ZNF76: variants seen among roughly 807,000 people sequenced by gnomAD.
The protein encoded by ZNF76 is zinc finger protein 76.
In ZNF76, 66 loss-of-function variants were observed where a neutral mutation model predicts 66.9. The ratio of observed to expected loss-of-function variants is 0.99; its 90% CI spans 0.81 to 1.21. ZNF76 has a LOEUF of 1.21. Ranked by LOEUF, ZNF76 falls within the 50% of genes most tolerant of loss-of-function variation. The pLI is 0.00. For synonymous variants in ZNF76, 275 were observed against 296.1 expected (o/e 0.93, Z 0.73); for missense variants, 729 against 760.3 (o/e 0.96, Z 0.48).
intron 13 of ZNF76, 77 bp downstream of exon 13, chr6:35,294,646 A>T (rs1016007842): frequency 9.5e-7 from 1 of 1,050,552 alleles, no homozygotes; most frequent in African/African-American, 1.6e-5. Context: ...TTAGATGAGG[A>T]TCTTGAAGAG....
In ZNF76 at chr6:35,291,398, A is replaced by C. The variant is rs1200045659; in HGVS notation, c.746A>C (p.His249Pro). 6.2e-7 allele frequency: 1 copy of C among 1,614,144 alleles called. No homozygotes were observed. The highest frequency in any genetic ancestry group is 8.5e-7 in the Non-Finnish European group (1 of 1,180,010). ...SGDLQKHVRT[H>P]TGERPFQCPF... is the part of the protein sequence containing the mutation. ...GACCTGCAGAAGCATGTCCGTACCC[A>C]CACTGGTATGCTGGGCCCTGCCCAC... Residue 249 changes from histidine to proline, a missense_variant, in exon 8 of 14, where the codon CAC (histidine) becomes CCC (proline). Transcript: ENST00000373953.
chr6:35,292,693 C>T lies in ZNF76; in HGVS notation c.1071C>T (p.Thr357=). The T allele has an allele frequency of 1.2e-6, 2 of 1,614,196 alleles. No individual in the cohort carries two copies. Among genetic ancestry groups the T allele is most frequent in the Non-Finnish European group, 1.7e-6 (2 of 1,180,046 alleles). The change falls in exon 10 of 14, where the codon ACC becomes ACT. Residue 357 remains threonine, a synonymous_variant. Transcript: ENST00000373953. This position sits in a 1 kb window ranked among gnomAD's most constrained non-coding sequence, Gnocchi z 4.7. The stretch of plus-strand genomic sequence containing the variant: ...CCTGCGGCAAGACCTACCGGCAGAC[C>T]TCCACCTTGGCCATGCACAAGCGCA... ...CSTCGKTYRQ[T]STLAMHKRSA...
chr6:35,266,942 A>G (rs1379527003), intron 1 of ZNF76, among the ~76,000 whole-genome samples: 2 of 150,930 alleles, frequency 1.3e-5, no homozygotes, highest in African/African-American at 4.9e-5. Flanking sequence ...CTGGGACTAC[A>G]GGTGCCCACC....
intron 2 of ZNF76, among the ~76,000 whole-genome samples, chr6:35,283,405 T>C (rs1008316036): frequency 6.6e-6 from 1 of 152,254 alleles, no homozygotes; most frequent in Non-Finnish European, 1.5e-5. Flanking sequence ...CTCTGTCTGC[T>C]GGAAGCCCTA....
At chr6:35,286,877 G>C (rs1789644147) in intron 4 of ZNF76, 1 of 190,348 alleles carries the variant, frequency 5.3e-6, no homozygotes, top group Non-Finnish European at 1.1e-5. Context: ...CGCTCTCCTA[G>C]AGTCTAGAGG....
At chr6:35,285,817 C>T (rs573137232) in intron 2 of ZNF76, among the ~76,000 whole-genome samples, 4 of 152,326 alleles carry the variant, frequency 2.6e-5, no homozygotes, top group African/African-American at 9.6e-5. Context: ...GTCTCAGCAA[C>T]TTACTATTAG....
intron 13 of ZNF76, 169 bp downstream of exon 13, chr6:35,294,738 T>G: frequency 1.5e-6 from 1 of 675,736 alleles, no homozygotes; most frequent in Non-Finnish European, 2.7e-6. Flanking sequence ...TCAGGCTCGC[T>G]CTTGGCTGAG....
intron 2 of ZNF76, among the ~76,000 whole-genome samples, chr6:35,284,745 C>T (rs532928899): frequency 6.6e-6 from 1 of 151,874 alleles, no homozygotes; most frequent in Non-Finnish European, 1.5e-5. Flanking sequence ...GGGTCTTACT[C>T]TGTCACCCAG....
At position 35,293,376 on chromosome 6, in the gene ZNF76, G is replaced by A. The variant is rs750521566; in HGVS notation, c.1329+332G>A. Reference sequence around the variant, plus strand: ...TATAGCAGCCAGAACATGGTATGGGGTCTGAAAGCCTGGGGTCTGGTCCTA... The same window carrying A: ...TATAGCAGCCAGAACATGGTATGGGATCTGAAAGCCTGGGGTCTGGTCCTA... On this transcript the variant is annotated intron_variant, in intron 11 of 13. Transcript: ENST00000373953. Among the ~76,000 whole-genome samples the A allele has an allele frequency of 5.3e-4, 81 of 152,292 alleles. No individual in the cohort carries two copies. In the Middle Eastern group the frequency reaches 0.01, roughly 19 times the overall value.
chr6:35,260,813 GATA>G (rs1433861180), intron 1 of ZNF76, among the ~76,000 whole-genome samples: 4 of 152,142 alleles, frequency 2.6e-5, no homozygotes, highest in Non-Finnish European at 5.9e-5. Flanking sequence ...TCTCAGTCAA[GATA>G]ATAATTTTTT....
intron 5 of ZNF76, among the ~76,000 whole-genome samples, chr6:35,288,736 C>T (rs916918365): frequency 2.0e-5 from 3 of 152,180 alleles, no homozygotes; most frequent in Non-Finnish European, 4.4e-5. Flanking sequence ...GCAGGTGGAT[C>T]GCTTGAGTCC....
chr6:35,294,631 G>A (rs1291845355), intron 13 of ZNF76, 62 bp downstream of exon 13: 2 of 1,189,664 alleles, frequency 1.7e-6, no homozygotes, highest in Non-Finnish European at 2.5e-6. Context: ...AGGAATAAAG[G>A]GGAATTAGAT....
chr6:35,291,899 G>A, intron 9 of ZNF76, 162 bp downstream of exon 9: 1 of 749,532 alleles, frequency 1.3e-6, no homozygotes, highest in Non-Finnish European at 2.2e-6. Flanking sequence ...AACTCTGCTT[G>A]CAGTGAGTAA....
At chr6:35,294,669 C>A in intron 13 of ZNF76, 100 bp downstream of exon 13, 1 of 848,834 alleles carries the variant, frequency 1.2e-6, no homozygotes, top group Non-Finnish European at 2.0e-6. Flanking sequence ...GGGCATCTGA[C>A]TCAAAAAGAG....
At chr6:35,280,992 C>G in intron 1 of ZNF76, 64 bp from the exon 2 acceptor site, 1 of 710,140 alleles carries the variant, frequency 1.4e-6, no homozygotes, top group Non-Finnish European at 2.5e-6. Context: ...AACTCCTTCC[C>G]TGAGTGTCTT....
At chr6:35,273,734 A>AG (rs1276870046) in intron 1 of ZNF76, among the ~76,000 whole-genome samples, 2 of 150,910 alleles carry the variant, frequency 1.3e-5, no homozygotes, top group Non-Finnish European at 3.0e-5. Context: ...AAAAAAAAAA[A>AG]AAAAGAAATG....
chr6:35,272,250 T>C (rs1174473850), intron 1 of ZNF76, among the ~76,000 whole-genome samples: 1 of 152,164 alleles, frequency 6.6e-6, no homozygotes, highest in Non-Finnish European at 1.5e-5. Flanking sequence ...AAGACCAGCC[T>C]GGGCAACATA....
At chr6:35,291,998 C>T (rs1790464602) in intron 9 of ZNF76, 2 of 553,750 alleles carry the variant, frequency 3.6e-6, no homozygotes, top group East Asian at 3.1e-5. Context: ...CTACACCCAC[C>T]CTGAGTTCTC....
chr6:35,261,040 C>T (rs1453623534), intron 1 of ZNF76, among the ~76,000 whole-genome samples: 1 of 152,162 alleles, frequency 6.6e-6, no homozygotes, highest in African/African-American at 2.4e-5. Context: ...CATAACAAAC[C>T]TAGGTTCCAG....
Sources: allele counts gnomAD v4.1 joint callset (sites outside exome capture counted in the v4.1 genomes callset), GRCh38; gene constraint gnomAD v4.1.1; non-coding constraint Gnocchi (gnomAD v3.1); transcripts MANE v1.5; gene names NCBI Gene and HGNC (gene_info 2026-07-23, HGNC 2026-07-21).